Variants in AGGF1 observed in about 807,000 individuals in gnomAD.
The protein encoded by AGGF1 is angiogenic factor with G patch and FHA domains 1.
A neutral mutation model predicts 86.5 loss-of-function variants in AGGF1; 56 were observed. That is an observed-to-expected ratio of 0.65 (90% CI 0.52 to 0.81). The LOEUF (loss-of-function observed/expected upper bound fraction) is 0.81. Among genes scored for constraint, AGGF1 ranks in the 30% least tolerant of loss-of-function variants. AGGF1 has a pLI of 0.00. For synonymous variants in AGGF1, 313 were observed against 297.1 expected (o/e 1.05, Z -0.55); for missense variants, 816 against 850.9 (o/e 0.96, Z 0.51).
At chr5:77,056,813 A>T (rs1747469729) in intron 11 of AGGF1, among the ~76,000 whole-genome samples, 1 of 152,196 alleles carries the variant, frequency 6.6e-6, no homozygotes, top group African/African-American at 2.4e-5. Flanking sequence ...CTATTAAGAG[A>T]ATGAAAAGAC....
intron 1 of AGGF1, among the ~76,000 whole-genome samples, chr5:77,033,731 G>C (rs568469019): frequency 1.3e-5 from 2 of 152,298 alleles, no homozygotes; most frequent in South Asian, 2.1e-4. Context: ...GTGTGTAGTA[G>C]ACATTGTCTC....
chr5:77,048,619 A>G (rs1014155913), intron 7 of AGGF1, among the ~76,000 whole-genome samples: 2 of 152,200 alleles, frequency 1.3e-5, no homozygotes, highest in African/African-American at 4.8e-5. Flanking sequence ...AAGTGCTAGG[A>G]TTACAGGCAC....
chr5:77,035,435 T>C (rs1746946575), intron 2 of AGGF1, 106 bp from the exon 3 acceptor site: 2 of 818,728 alleles, frequency 2.4e-6, no homozygotes, highest in Admixed American at 2.5e-5. Context: ...CATGATTTAT[T>C]TGAAGTATGT....
chr5:77,033,617 C>T (rs1746911372), intron 1 of AGGF1, among the ~76,000 whole-genome samples: 1 of 152,214 alleles, frequency 6.6e-6, no homozygotes, highest in Non-Finnish European at 1.5e-5. Flanking sequence ...CACTGTAGTT[C>T]CTGCCCTAGT....
At chr5:77,045,207 A>G (rs912033238) in intron 5 of AGGF1, among the ~76,000 whole-genome samples, 1 of 152,232 alleles carries the variant, frequency 6.6e-6, no homozygotes, top group African/African-American at 2.4e-5. Context: ...AAAAAATGGA[A>G]AATAATTATT....
intron 10 of AGGF1, 119 bp downstream of exon 10, chr5:77,054,249 G>A: frequency 8.3e-7 from 1 of 1,206,974 alleles, no homozygotes; most frequent in Non-Finnish European, 1.2e-6. Context: ...TGCATTGAGA[G>A]ATATTTTATA....
Position 77,035,467 on chromosome 5 carries a change from G to C in AGGF1, c.314-74G>C. 3 of 1,106,230 alleles carry C rather than the reference G, an allele frequency of 2.7e-6. 1 individual carries two copies. 68.5% of individuals were successfully genotyped at this position (1,106,230 alleles called of 1,614,324 possible). On this transcript the variant is annotated intron_variant, in intron 2 of 13. Transcript: ENST00000312916. ...ATGTGCTTTTTGTGTTTAAATGCCA[G>C]TGTTTTGTAGTTAAGTCCTTTTTAT...
chr5:77,051,589 G>A (rs970544024), intron 8 of AGGF1, among the ~76,000 whole-genome samples: 5 of 152,182 alleles, frequency 3.3e-5, no homozygotes, highest in South Asian at 2.1e-4. Flanking sequence ...AATTCTCACA[G>A]ACTGCTGGTG....
At chr5:77,034,585 T>C (rs979595742) in intron 2 of AGGF1, 65 bp downstream of exon 2, 2 of 1,124,084 alleles carry the variant, frequency 1.8e-6, no homozygotes, top group Non-Finnish European at 2.7e-6. Context: ...TGTTGCGTTT[T>C]CTTTTAATTT....
rs551287937 is a variant in AGGF1 at position 77,059,178 on chromosome 5, G to C, written c.1717-438G>C. Among the ~76,000 whole-genome samples, 13 of 152,134 alleles carry C rather than the reference G, an allele frequency of 8.5e-5. No homozygotes were observed. In the South Asian group the frequency reaches 2.5e-3, roughly 29 times the overall value. On this transcript the variant is annotated intron_variant, in intron 11 of 13. Transcript: ENST00000312916. Reference sequence around the variant, plus strand: ...TTCTTTGAATACTAGTAGTTCATATGACAAGATGAGAACACAGCATTAAGT... The same window carrying C: ...TTCTTTGAATACTAGTAGTTCATATCACAAGATGAGAACACAGCATTAAGT...
chr5:77,061,766 G>A lies in AGGF1; in HGVS notation c.1908G>A (p.Glu636=), dbSNP rs1482479540. The change falls in exon 13 of 14, where the codon GAG becomes GAA. Residue 636 remains glutamate (E), a synonymous_variant. Transcript: ENST00000312916. ...AGAAGATGGGTTGGAAGAAAGGAGAGGGCCTGGGGAAGGATGGTGGAGGAA... is the reference window on the plus strand; with the variant it reads ...AGAAGATGGGTTGGAAGAAAGGAGAAGGCCTGGGGAAGGATGGTGGAGGAA... ...MLEKMGWKKG[E]GLGKDGGGMK... is the part of the protein sequence containing the mutation. 6.2e-7 allele frequency: 1 copy of A among 1,613,844 alleles called. No homozygotes were observed. Among genetic ancestry groups the A allele is most frequent in the South Asian group, 1.1e-5 (1 of 91,068 alleles).
chr5:77,049,355 G>C (rs1747329251), intron 8 of AGGF1, among the ~76,000 whole-genome samples: 2 of 152,120 alleles, frequency 1.3e-5, no homozygotes. Flanking sequence ...CTTTGAGCCG[G>C]AGGATTTCAC....
At chr5:77,052,944 A>G (rs1486269854) in intron 9 of AGGF1, 137 bp downstream of exon 9, 3 of 755,650 alleles carry the variant, frequency 4.0e-6, no homozygotes, top group Non-Finnish European at 6.8e-6. Flanking sequence ...AGGAATTTCC[A>G]GAAAGGCTGA....
chr5:77,050,405 T>C (rs975064388), intron 8 of AGGF1, among the ~76,000 whole-genome samples: 99 of 140,956 alleles, frequency 7.0e-4, no homozygotes, highest in African/African-American at 2.5e-3. Context: ...CTCTGACACC[T>C]CCTGGGCTTA....
chr5:77,030,474 G>A lies in AGGF1; in HGVS notation c.-293G>A, dbSNP rs925330390. ...CCTCTGGTTTTCCGACTGCTTATCC[G>A]ACGCTCCTCCCTCTGTCTCTGTAGC... On this transcript the variant is annotated 5_prime_UTR_variant, in exon 1 of 14. Coordinates refer to ENST00000312916, the MANE Select transcript of AGGF1 (RefSeq NM_018046.5). 25 of 604,378 alleles carry A rather than the reference G, an allele frequency of 4.1e-5. 1 individual carries two copies. The highest frequency in any genetic ancestry group is 1.3e-4 in the African/African-American group (7 of 54,828). The allele number at this position is 604,378 out of a possible 1,614,324, so 37.4% of individuals were successfully genotyped here. A position where few individuals can be genotyped will look rare whatever the true frequency, so the allele number is the denominator to read the frequency against.
At chr5:77,044,741 G>T (rs1488837994) in intron 5 of AGGF1, among the ~76,000 whole-genome samples, 3 of 152,126 alleles carry the variant, frequency 2.0e-5, no homozygotes, top group African/African-American at 7.2e-5. Context: ...GGGTGAATTT[G>T]TATTGCTAGA....
intron 8 of AGGF1, 77 bp downstream of exon 8, chr5:77,049,064 A>G: frequency 1.4e-6 from 2 of 1,414,330 alleles, no homozygotes; most frequent in Non-Finnish European, 2.0e-6. Context: ...AAGCTTAGGG[A>G]TTTTTCTCAT....
At position 77,030,839 on chromosome 5, in the gene AGGF1, C is replaced by T. The variant is rs904418498; in HGVS notation, c.73C>T (p.Leu25=). The T allele has an allele frequency of 6.2e-7, 1 of 1,611,996 alleles. No homozygotes were observed. The highest frequency in any genetic ancestry group is 8.5e-7 in the Non-Finnish European group (1 of 1,179,830). ...CTCCCCCGAGCCTGAGCTGGCCCAG[C>T]TAAGGCGGAAGGTGGAGAAGTTGGA... is the stretch of plus-strand genomic sequence containing the variant. ...PTSPEPELAQ[L]RRKVEKLERE... The change falls in exon 1 of 14, where the codon CTA becomes TTA. Residue 25 remains leucine, a synonymous_variant. Coordinates refer to ENST00000312916, the MANE Select transcript of AGGF1 (RefSeq NM_018046.5).
chr5:77,063,194 C>T lies in AGGF1; in HGVS notation c.2087C>T (p.Thr696Ile), dbSNP rs1442582802. Residue 696 changes from threonine (T) to isoleucine (I), a missense_variant, in exon 14 of 14, where the codon ACT (threonine) becomes ATT (isoleucine). By Grantham distance (89) the Thr-to-Ile change is moderately conservative. Transcript: ENST00000312916. Reference sequence around the variant, plus strand: ...CGGTTTACTGAAAACTTCCCAGAAACTAAGCCTCAAAAAGATGACCCAGGG... The same window carrying T: ...CGGTTTACTGAAAACTTCCCAGAAATTAAGCCTCAAAAAGATGACCCAGGG... ...RERFTENFPE[T>I]KPQKDDPGTM... 2 of 1,613,808 alleles carry T rather than the reference C, an allele frequency of 1.2e-6. No individual in the cohort carries two copies. The highest frequency in any genetic ancestry group is 1.7e-6 in the Non-Finnish European group (2 of 1,179,922).
Sources: gnomAD v4.1 joint callset for allele counts (sites outside exome capture counted in the v4.1 genomes callset) on GRCh38, gnomAD v4.1.1 for gene constraint, MANE v1.5 for transcripts, NCBI Gene and HGNC (gene_info 2026-07-23, HGNC 2026-07-21) for gene names.